The following BACH2 variants were observed in gnomAD, a reference collection of about 807,000 sequenced individuals.
BACH2 encodes the protein BACH transcriptional regulator 2.
BACH2 carries 5 observed loss-of-function variants against 61.8 expected under a neutral mutation model. The ratio of observed to expected loss-of-function variants is 0.08; its 90% CI spans 0.04 to 0.17. BACH2 has a LOEUF of 0.17. Ranked by LOEUF, BACH2 falls within the 10% of genes least tolerant of loss-of-function variation. The pLI, the probability that BACH2 is intolerant of heterozygous loss-of-function variation, is 1.00. For synonymous variants in BACH2, 446 were observed against 440.1 expected (o/e 1.01, Z -0.17); for missense variants, 824 against 1,091.1 (o/e 0.76, Z 3.45).
Position 89,985,751 on chromosome 6 carries a change from C to CTGG in BACH2, c.243+22848_243+22850dup, listed in dbSNP as rs573002132. Among the ~76,000 whole-genome samples the CTGG allele has an allele frequency of 1.5e-3, 221 of 152,302 alleles. 2 individuals carry two copies. Among genetic ancestry groups the CTGG allele is most frequent in the African/African-American group, 5.2e-3 (216 of 41,570 alleles). On this transcript the variant is annotated intron_variant, in intron 6 of 8. Coordinates refer to ENST00000257749, the MANE Select transcript of BACH2 (RefSeq NM_021813.4). ...TCTGTGTAGCTGAGCTCTTAGGAAA[C>CTGG]TGGTGTTAAAGCAGTTCAGTGAGAA...
intron 5 of BACH2, among the ~76,000 whole-genome samples, chr6:90,030,107 T>C (rs1778882438): frequency 6.6e-6 from 1 of 152,184 alleles, no homozygotes; most frequent in South Asian, 2.1e-4. Flanking sequence ...ATTAGGCTGT[T>C]CTCTCCTGGT....
At chr6:90,294,038 CCTT>C (rs1166032883) in intron 1 of BACH2, among the ~76,000 whole-genome samples, 1 of 152,172 alleles carries the variant, frequency 6.6e-6, no homozygotes, top group South Asian at 2.1e-4. Context: ...TCACCTCACC[CCTT>C]CTTCTTCATA....
chr6:90,222,129 G>C (rs535812602), intron 3 of BACH2, among the ~76,000 whole-genome samples: 1 of 152,166 alleles, frequency 6.6e-6, no homozygotes, highest in East Asian at 1.9e-4. Flanking sequence ...TTTGAAACAG[G>C]GTGTGGATTC....
intron 4 of BACH2, among the ~76,000 whole-genome samples, chr6:90,173,373 T>C (rs1767882341): frequency 6.6e-6 from 1 of 152,214 alleles, no homozygotes; most frequent in Non-Finnish European, 1.5e-5. Context: ...AGCAACTTTA[T>C]CCACAATAGT....
intron 1 of BACH2, among the ~76,000 whole-genome samples, chr6:90,274,743 CTG>C (rs1771640463): frequency 6.6e-6 from 1 of 152,204 alleles, no homozygotes; most frequent in South Asian, 2.1e-4. Context: ...GATGAGTAAC[CTG>C]TGTTATTTAG....
At chr6:90,050,359 C>G (rs970308555) in intron 5 of BACH2, among the ~76,000 whole-genome samples, 5 of 152,106 alleles carry the variant, frequency 3.3e-5, no homozygotes, top group African/African-American at 9.7e-5. Context: ...TAAGAAGTTA[C>G]CACTTGTCAA....
chr6:90,042,217 G>C (rs1779570176), intron 5 of BACH2, among the ~76,000 whole-genome samples: 1 of 152,126 alleles, frequency 6.6e-6, no homozygotes, highest in Admixed American at 6.6e-5. Context: ...TTTTGAGACA[G>C]GGTCTTGCTC....
chr6:90,198,121 T>C (rs775671367), intron 4 of BACH2, among the ~76,000 whole-genome samples: 1 of 152,182 alleles, frequency 6.6e-6, no homozygotes, highest in Non-Finnish European at 1.5e-5. Flanking sequence ...CACTCATGTG[T>C]GCTCATGCTT....
chr6:89,939,696 GCT>G (rs1006465061), intron 7 of BACH2, among the ~76,000 whole-genome samples: 2 of 102,576 alleles, frequency 1.9e-5, no homozygotes, highest in South Asian at 3.1e-4. Flanking sequence ...ACAGGGTCTT[GCT>G]CTGTTACTCA....
intron 4 of BACH2, among the ~76,000 whole-genome samples, chr6:90,117,734 T>C (rs933546196): frequency 1.8e-4 from 28 of 152,146 alleles, no homozygotes; most frequent in African/African-American, 6.8e-4. Context: ...AGAGAGTGTA[T>C]ATGTGGTTAG....
intron 6 of BACH2, among the ~76,000 whole-genome samples, chr6:89,958,678 G>A (rs1445366380): frequency 6.6e-6 from 1 of 152,208 alleles, no homozygotes; most frequent in Non-Finnish European, 1.5e-5. Context: ...GATGCTGGGA[G>A]GACAGGGCTG....
chr6:90,018,889 T>C (rs1416944455), intron 5 of BACH2, among the ~76,000 whole-genome samples: 1 of 152,232 alleles, frequency 6.6e-6, no homozygotes, highest in Admixed American at 6.5e-5. Flanking sequence ...CTTCTGTCAA[T>C]GACTAGGAAA....
intron 5 of BACH2, among the ~76,000 whole-genome samples, chr6:90,017,813 T>C (rs1285573727): frequency 1.3e-5 from 2 of 152,234 alleles, no homozygotes; most frequent in East Asian, 1.9e-4. Flanking sequence ...TTTATCTTCA[T>C]TGTGAGTTAT....
intron 5 of BACH2, among the ~76,000 whole-genome samples, chr6:90,075,129 T>C (rs902873506): frequency 3.3e-5 from 5 of 152,144 alleles, no homozygotes; most frequent in Admixed American, 1.3e-4. Flanking sequence ...TATTTCCCAG[T>C]GCATGTCATG....
chr6:90,235,420 C>T (rs759223528), intron 3 of BACH2, among the ~76,000 whole-genome samples: 37 of 152,092 alleles, frequency 2.4e-4, no homozygotes, highest in South Asian at 4.1e-4. Flanking sequence ...AGAACAGTGC[C>T]CAACACAGTA....
chr6:90,035,646 G>T (rs1405440693), intron 5 of BACH2, among the ~76,000 whole-genome samples: 1 of 151,944 alleles, frequency 6.6e-6, no homozygotes, highest in Non-Finnish European at 1.5e-5. Flanking sequence ...CCTCATTCTG[G>T]AGTATGCCAG....
At chr6:90,193,035 G>T (rs1768628867) in intron 4 of BACH2, among the ~76,000 whole-genome samples, 1 of 152,202 alleles carries the variant, frequency 6.6e-6, no homozygotes, top group South Asian at 2.1e-4. Context: ...TTCAGCACGG[G>T]ACTACATTTC....
chr6:90,199,896 G>C (rs1768898926), intron 4 of BACH2, among the ~76,000 whole-genome samples: 1 of 152,214 alleles, frequency 6.6e-6, no homozygotes, highest in African/African-American at 2.4e-5. Context: ...CCAGATTCTT[G>C]TTAGAGGAAA....
intron 1 of BACH2, among the ~76,000 whole-genome samples, chr6:90,286,822 C>CA (rs956160473): frequency 6.5e-4 from 94 of 144,708 alleles, no homozygotes; most frequent in African/African-American, 2.2e-3. Flanking sequence ...TTTTGTTCTC[C>CA]AAAAAAAAAA....
Sources: allele counts gnomAD v4.1 joint callset (sites outside exome capture counted in the v4.1 genomes callset), GRCh38; gene constraint gnomAD v4.1.1; transcripts MANE v1.5; gene names NCBI Gene and HGNC (gene_info 2026-07-23, HGNC 2026-07-21).